CNOT4: variants seen among roughly 807,000 people sequenced by gnomAD.
The protein encoded by CNOT4 is CCR4-NOT transcription complex subunit 4, also known as CCR4-associated factor 4.
Under a neutral mutation model 73.8 loss-of-function variants are expected in CNOT4, and 8 were observed. That is an observed-to-expected ratio of 0.11 (90% CI 0.06 to 0.20). The LOEUF is 0.20. CNOT4 is among the 10% of genes least tolerant of loss of function. CNOT4 has a pLI of 1.00. For missense variants in CNOT4, 564 were observed against 883.4 expected (o/e 0.64, Z 4.58); for synonymous variants, 293 against 321.1 (o/e 0.91, Z 0.94).
At chr7:135,397,133 C>G (rs1019568931) in intron 8 of CNOT4, among the ~76,000 whole-genome samples, 1 of 151,566 alleles carries the variant, frequency 6.6e-6, no homozygotes, top group Non-Finnish European at 1.5e-5. Context: ...GCTTTTCAAG[C>G]AAAAACTATA....
At chr7:135,402,957 G>C (rs944444258) in intron 7 of CNOT4, among the ~76,000 whole-genome samples, 1 of 151,914 alleles carries the variant, frequency 6.6e-6, no homozygotes, top group Admixed American at 6.6e-5. Flanking sequence ...CATAGTAGAA[G>C]AATCAAAGAA....
At chr7:135,435,223 ACT>A (rs2129485213) in intron 2 of CNOT4, among the ~76,000 whole-genome samples, 1 of 152,214 alleles carries the variant, frequency 6.6e-6, no homozygotes, top group African/African-American at 2.4e-5. Context: ...CTTGCTTCAC[ACT>A]CACAGGGCCC....
intron 6 of CNOT4, among the ~76,000 whole-genome samples, chr7:135,412,392 A>G (rs1345408858): frequency 2.0e-5 from 3 of 151,990 alleles, no homozygotes; most frequent in African/African-American, 7.2e-5. Flanking sequence ...AATAAAGTAT[A>G]CCCTCTACTA....
intron 1 of CNOT4, among the ~76,000 whole-genome samples, chr7:135,445,263 A>T (rs1422366631): frequency 6.6e-6 from 1 of 152,184 alleles, no homozygotes; most frequent in Non-Finnish European, 1.5e-5. Context: ...CAGCTTTATT[A>T]CTATTAGTAT....
In CNOT4 at chr7:135,464,024, C is replaced by CAAAAAAAAA. The variant is rs747402254; in HGVS notation, c.-92-25610_-92-25602dup. Among the ~76,000 whole-genome samples, 499 of 109,530 alleles carry CAAAAAAAAA rather than the reference C, an allele frequency of 4.6e-3. 19 individuals are homozygous for CAAAAAAAAA. The highest frequency in any genetic ancestry group is 9.8e-3 in the African/African-American group (281 of 28,710). The allele number at this position is 109,530 out of a possible 152,430, so 71.9% of individuals were successfully genotyped here. A position where few individuals can be genotyped will look rare whatever the true frequency, so the allele number is the denominator to read the frequency against. ...ATCAGGATGGCTATTATTAAAAAGTCAAAAAAAAAAAAAAAACAGATGGTG... is the reference window on the plus strand; with the variant it reads ...ATCAGGATGGCTATTATTAAAAAGTCAAAAAAAAAAAAAAAAAAAAAAAAACAGATGGTG... On this transcript the variant is annotated intron_variant, in intron 1 of 11. Transcript: ENST00000541284.
rs1048587532 is a variant in CNOT4 at position 135,468,194 on chromosome 7, C to A, written c.-92-29771G>T. On this transcript the variant is annotated intron_variant, in intron 1 of 11. Coordinates refer to ENST00000541284, the MANE Select transcript of CNOT4 (RefSeq NM_001190850.2). Reference sequence around the variant, plus strand: ...TGGCACCACTGCACTCCAGCCTGGGCGACAGAGCGAGACTCTGTCTCAAAA... The same window carrying A: ...TGGCACCACTGCACTCCAGCCTGGGAGACAGAGCGAGACTCTGTCTCAAAA... Among the ~76,000 whole-genome samples the A allele has an allele frequency of 3.3e-4, 50 of 150,688 alleles. 1 individual carries two copies. The highest frequency in any genetic ancestry group is 1.2e-3 in the African/African-American group (50 of 40,878).
chr7:135,421,905 C>T (rs889652886), intron 3 of CNOT4, among the ~76,000 whole-genome samples: 3 of 152,132 alleles, frequency 2.0e-5, no homozygotes, highest in Non-Finnish European at 2.9e-5. Flanking sequence ...ATTGTCAGCA[C>T]GTTAGAAATC....
At chr7:135,476,685 GA>G (rs1802016396) in intron 1 of CNOT4, among the ~76,000 whole-genome samples, 1 of 151,954 alleles carries the variant, frequency 6.6e-6, no homozygotes, top group South Asian at 2.1e-4. Flanking sequence ...CTTAAAAAAA[GA>G]AAAGGCTGGG....
At chr7:135,444,841 C>T in intron 1 of CNOT4, 1 of 1,606,002 alleles carries the variant, frequency 6.2e-7, no homozygotes, top group South Asian at 1.1e-5. Flanking sequence ...GGGCTTTTGG[C>T]ACTTTCAGCT....
chr7:135,473,900 T>C (rs1322103691), intron 1 of CNOT4, among the ~76,000 whole-genome samples: 2 of 152,094 alleles, frequency 1.3e-5, no homozygotes, highest in Non-Finnish European at 2.9e-5. Context: ...TAGTACTGTT[T>C]ATGGCTTTCT....
chr7:135,400,746 A>C (rs1796963076), intron 7 of CNOT4, among the ~76,000 whole-genome samples: 1 of 152,186 alleles, frequency 6.6e-6, no homozygotes, highest in African/African-American at 2.4e-5. Flanking sequence ...AGATGTTTTA[A>C]AATTTGTAGA....
chr7:135,429,060 C>G (rs1208070190), intron 2 of CNOT4, among the ~76,000 whole-genome samples: 1 of 152,112 alleles, frequency 6.6e-6, no homozygotes, highest in Non-Finnish European at 1.5e-5. Flanking sequence ...TCTACTTCAT[C>G]TATTTCTAAA....
intron 10 of CNOT4, among the ~76,000 whole-genome samples, chr7:135,382,942 C>G: frequency 6.6e-6 from 1 of 152,098 alleles, no homozygotes; most frequent in East Asian, 1.9e-4. Context: ...TGCTCTACTA[C>G]CTCTTCAGCA....
At chr7:135,447,890 G>A (rs2129485762) in intron 1 of CNOT4, among the ~76,000 whole-genome samples, 1 of 152,214 alleles carries the variant, frequency 6.6e-6, no homozygotes, top group Non-Finnish European at 1.5e-5. Context: ...AGCAATTTAT[G>A]TCCTAGAGTA....
At chr7:135,498,471 T>C (rs1005272269) in intron 1 of CNOT4, among the ~76,000 whole-genome samples, 1 of 152,226 alleles carries the variant, frequency 6.6e-6, no homozygotes, top group Admixed American at 6.5e-5. Context: ...TTAGCATGCA[T>C]ATATTAAAGT....
chr7:135,435,963 T>C (rs1799130958), intron 2 of CNOT4, among the ~76,000 whole-genome samples: 1 of 118 alleles, frequency 8.5e-3, no homozygotes, highest in Admixed American at 0.071. Context: ...TCTGACACCA[T>C]ACTTGACCCA....
intron 1 of CNOT4, among the ~76,000 whole-genome samples, chr7:135,507,228 T>C (rs1243328325): frequency 2.0e-5 from 3 of 152,228 alleles, no homozygotes; most frequent in Non-Finnish European, 4.4e-5. Context: ...TGTCTCATCC[T>C]AATTTTATAA....
chr7:135,450,874 T>C (rs1444076277), intron 1 of CNOT4, among the ~76,000 whole-genome samples: 1 of 152,006 alleles, frequency 6.6e-6, no homozygotes, highest in African/African-American at 2.4e-5. Context: ...TAAGAATCAC[T>C]TGAACCCAGG....
intron 10 of CNOT4, among the ~76,000 whole-genome samples, chr7:135,384,885 C>T (rs1210151471): frequency 6.6e-6 from 1 of 152,224 alleles, no homozygotes; most frequent in African/African-American, 2.4e-5. Context: ...ATATTCTTGA[C>T]ATTTCCTCAT....
Sources: gnomAD v4.1 joint callset for allele counts (sites outside exome capture counted in the v4.1 genomes callset) on GRCh38, gnomAD v4.1.1 for gene constraint, MANE v1.5 for transcripts, NCBI Gene and HGNC (gene_info 2026-07-23, HGNC 2026-07-21) for gene names.